CXCL13: variants seen among roughly 807,000 people sequenced by gnomAD.
The protein encoded by CXCL13 is C-X-C motif chemokine ligand 13, also known as C-X-C motif chemokine 13.
CXCL13 carries 7 observed loss-of-function variants against 12.2 expected under a neutral mutation model. The observed-to-expected ratio is 0.57, with a 90% CI of 0.33 to 1.07. The LOEUF is 1.07. CXCL13 is among the 50% of genes least tolerant of loss of function. The pLI, the probability that CXCL13 is intolerant of heterozygous loss-of-function variation, is 0.04. For synonymous variants in CXCL13, 47 were observed against 42.4 expected, an observed-to-expected ratio of 1.11 and a Z score of -0.42; for missense variants, 113 against 127.4, an observed-to-expected ratio of 0.89 and a Z score of 0.55.
At chr4:77,543,519 C>G (rs770718918) in intron 1 of CXCL13, among the ~76,000 whole-genome samples, 2 of 152,038 alleles carry the variant, frequency 1.3e-5, no homozygotes, top group African/African-American at 4.8e-5. Context: ...CTTAACATTG[C>G]TTTTGCTGTA....
chr4:77,611,234 T>TG lies in CXCL13; in HGVS notation c.*197dup, dbSNP rs575789888. The TG allele has an allele frequency of 4.3e-6, 2 of 464,896 alleles. No homozygotes were observed. The highest frequency in any genetic ancestry group is 5.8e-5 in the South Asian group (1 of 17,124). The allele number at this position is 464,896 out of a possible 1,614,324, so 28.8% of individuals were successfully genotyped here. On this transcript the variant is annotated 3_prime_UTR_variant, in exon 4 of 4. Transcript: ENST00000682537. Reference sequence around the variant, plus strand: ...TCACTCACAGCACCCTATATACACTTGGAGTTTGCATTCTTATTCATCAGG... The same window carrying TG: ...TCACTCACAGCACCCTATATACACTTGGGAGTTTGCATTCTTATTCATCAGG...
At chr4:77,584,969 G>A (rs1398013834) in intron 1 of CXCL13, among the ~76,000 whole-genome samples, 4 of 152,144 alleles carry the variant, frequency 2.6e-5, no homozygotes, top group Admixed American at 2.6e-4. Context: ...CCCAATATAT[G>A]CTCTAAAGAT....
In CXCL13 at chr4:77,575,604, T is replaced by C. The variant is rs182043949; in HGVS notation, c.-42-30220T>C. On this transcript the variant is annotated intron_variant, in intron 1 of 4. Coordinates refer to the CXCL13 transcript ENST00000286758. ...GAATGATGGTTTCCTGCTTCATCCA[T>C]GTCCCTGCAAAGGACATGAATGCAT... Among the ~76,000 whole-genome samples, 1,084 of 152,050 alleles carry C rather than the reference T, an allele frequency of 7.1e-3. 41 individuals are homozygous for C. Among genetic ancestry groups the C allele is most frequent in the African/African-American group, 0.025 (1,035 of 41,290 alleles).
chr4:77,547,102 A>T (rs1232289840), intron 1 of CXCL13, among the ~76,000 whole-genome samples: 1 of 152,204 alleles, frequency 6.6e-6, no homozygotes, highest in African/African-American at 2.4e-5. Flanking sequence ...GTGGTCTGAG[A>T]GACAGTTTGT....
chr4:77,559,186 A>G (rs1166144038), intron 1 of CXCL13, among the ~76,000 whole-genome samples: 1 of 152,212 alleles, frequency 6.6e-6, no homozygotes, highest in Non-Finnish European at 1.5e-5. Flanking sequence ...CAGACTCTAG[A>G]TAAAGACTAT....
chr4:77,568,937 G>A (rs1200583130), intron 1 of CXCL13, among the ~76,000 whole-genome samples: 1 of 152,104 alleles, frequency 6.6e-6, no homozygotes, highest in African/African-American at 2.4e-5. Context: ...GTGAAAATTT[G>A]CAGGGGAAAA....
chr4:77,515,802 C>A (rs1724401562), intron 1 of CXCL13, among the ~76,000 whole-genome samples: 1 of 152,128 alleles, frequency 6.6e-6, no homozygotes, highest in Non-Finnish European at 1.5e-5. Context: ...CCTTTATTTC[C>A]TTCTCCTGAC....
At chr4:77,584,443 CAA>C (rs1254245334) in intron 1 of CXCL13, among the ~76,000 whole-genome samples, 1 of 151,800 alleles carries the variant, frequency 6.6e-6, no homozygotes, top group Non-Finnish European at 1.5e-5. Flanking sequence ...TTCTAATATG[CAA>C]AAAATACAAA....
chr4:77,595,658 G>T (rs1726733162), intron 1 of CXCL13, among the ~76,000 whole-genome samples: 2 of 151,416 alleles, frequency 1.3e-5, no homozygotes, highest in African/African-American at 4.9e-5. Context: ...TGCCTATAGG[G>T]CCTCTGTCCT....
chr4:77,517,033 C>G (rs993970923), intron 1 of CXCL13, among the ~76,000 whole-genome samples: 37 of 152,228 alleles, frequency 2.4e-4, no homozygotes, highest in African/African-American at 8.7e-4. Flanking sequence ...TTTCAAAGAA[C>G]ATCTTTATTT....
At chr4:77,552,105 G>A (rs750737278) in intron 1 of CXCL13, among the ~76,000 whole-genome samples, 1 of 152,056 alleles carries the variant, frequency 6.6e-6, no homozygotes, top group Non-Finnish European at 1.5e-5. Flanking sequence ...TTTGGTTAGG[G>A]TCCTTCGCTG....
At chr4:77,516,737 T>C (rs1387450196) in intron 1 of CXCL13, among the ~76,000 whole-genome samples, 1 of 152,210 alleles carries the variant, frequency 6.6e-6, no homozygotes, top group Admixed American at 6.5e-5. Flanking sequence ...CTATCAATTT[T>C]GTTGATCCAT....
chr4:77,527,101 A>G (rs1365988692), intron 1 of CXCL13, among the ~76,000 whole-genome samples: 1 of 152,232 alleles, frequency 6.6e-6, no homozygotes, highest in Non-Finnish European at 1.5e-5. Context: ...CTGACATTTC[A>G]CCGAAGAAGA....
At chr4:77,539,149 C>G (rs1725140730) in intron 1 of CXCL13, among the ~76,000 whole-genome samples, 1 of 151,474 alleles carries the variant, frequency 6.6e-6, no homozygotes, top group Non-Finnish European at 1.5e-5. Context: ...ACTGCAACCT[C>G]TGCCTCCTGG....
At chr4:77,571,794 A>T (rs1042683746) in intron 1 of CXCL13, among the ~76,000 whole-genome samples, 3 of 151,724 alleles carry the variant, frequency 2.0e-5, no homozygotes, top group Non-Finnish European at 4.4e-5. Context: ...CTTTGCAATA[A>T]ATCTTGCTAC....
chr4:77,527,024 A>G (rs1451346330), intron 1 of CXCL13, among the ~76,000 whole-genome samples: 1 of 152,198 alleles, frequency 6.6e-6, no homozygotes, highest in Non-Finnish European at 1.5e-5. Context: ...GGTAAACAAG[A>G]CCTCAAGTGT....
chr4:77,539,869 G>T (rs1280809725), intron 1 of CXCL13, among the ~76,000 whole-genome samples: 6 of 152,072 alleles, frequency 3.9e-5, no homozygotes, highest in Non-Finnish European at 8.8e-5. Context: ...GGGGGTAGGG[G>T]GGGAATCCCT....
At chr4:77,522,648 C>T (rs1030403581) in intron 1 of CXCL13, among the ~76,000 whole-genome samples, 1 of 148,494 alleles carries the variant, frequency 6.7e-6, no homozygotes, top group Admixed American at 6.8e-5. Context: ...ACTAATGGGT[C>T]TTGTTTCTTT....
intron 2 of CXCL13, among the ~76,000 whole-genome samples, 172 bp downstream of exon 2, chr4:77,608,007 G>GC (rs1226660550): frequency 6.6e-6 from 1 of 152,186 alleles, no homozygotes; most frequent in Non-Finnish European, 1.5e-5. Flanking sequence ...GTTTGCAGCA[G>GC]CCCTGAGCTA....
Sources: gnomAD v4.1 joint callset for allele counts (sites outside exome capture counted in the v4.1 genomes callset) on GRCh38, gnomAD v4.1.1 for gene constraint, MANE v1.5 for transcripts, NCBI Gene and HGNC (gene_info 2026-07-23, HGNC 2026-07-21) for gene names.